EPHA6: variants seen among roughly 807,000 people sequenced by gnomAD.
EPHA6 encodes ephrin type-A receptor 6.
Under a neutral mutation model 112.0 loss-of-function variants are expected in EPHA6, and 50 were observed. That is an observed-to-expected ratio of 0.45 (90% confidence interval 0.36 to 0.56). The LOEUF is 0.56. EPHA6 is among the 20% of genes least tolerant of loss of function. The pLI, the probability that EPHA6 is intolerant of heterozygous loss-of-function variation, is 0.00. For synonymous variants in EPHA6, 529 were observed against 490.7 expected (o/e 1.08, Z -1.03); for missense variants, 1,280 against 1,417.4 (o/e 0.90, Z 1.56).
chr3:97,751,151 T>C lies in EPHA6; in HGVS notation c.*2450T>C, dbSNP rs564513484. On this transcript the variant is annotated 3_prime_UTR_variant, in exon 18 of 18. Coordinates refer to ENST00000389672, the MANE Select transcript of EPHA6 (RefSeq NM_001080448.3). ...AGAATAATATGGTCTTCCACAGGAC[T>C]CTGTCGGCACCATCTGTGTACCTTG... is the stretch of plus-strand genomic sequence containing the variant. Among the ~76,000 whole-genome samples, 1 of 152,274 alleles carries C rather than the reference T, an allele frequency of 6.6e-6. No homozygotes were observed. The highest frequency in any genetic ancestry group is 1.5e-5 in the Non-Finnish European group (1 of 68,010).
At chr3:97,020,452 G>A (rs985664163) in intron 3 of EPHA6, among the ~76,000 whole-genome samples, 1 of 152,172 alleles carries the variant, frequency 6.6e-6, no homozygotes, top group Admixed American at 6.5e-5. Flanking sequence ...ACAAAATACT[G>A]AAATGGACCT....
intron 2 of EPHA6, among the ~76,000 whole-genome samples, chr3:96,958,365 C>T (rs574776919): frequency 9.9e-5 from 15 of 151,748 alleles, no homozygotes; most frequent in African/African-American, 3.6e-4. Context: ...GATGTTAGCT[C>T]AACTTTCGTA....
At chr3:97,208,781 G>A (rs1048331133) in intron 3 of EPHA6, among the ~76,000 whole-genome samples, 1 of 151,774 alleles carries the variant, frequency 6.6e-6, no homozygotes, top group African/African-American at 2.4e-5. Context: ...TACATATGGT[G>A]GAAATACATT....
intron 2 of EPHA6, among the ~76,000 whole-genome samples, chr3:96,928,359 T>C (rs532299984): frequency 3.3e-5 from 5 of 152,348 alleles, no homozygotes; most frequent in African/African-American, 1.2e-4. Context: ...AACTTGATTT[T>C]TGCGTTAATT....
At chr3:97,494,749 A>G (rs2091934618) in intron 10 of EPHA6, among the ~76,000 whole-genome samples, 2 of 152,240 alleles carry the variant, frequency 1.3e-5, no homozygotes, top group African/African-American at 2.4e-5. Flanking sequence ...GCCTACTGGT[A>G]CTCGTTCTGC....
chr3:97,081,376 A>G lies in EPHA6; in HGVS notation c.1114+93383A>G, dbSNP rs535070135. Among the ~76,000 whole-genome samples the G allele has an allele frequency of 7.1e-4, 108 of 152,136 alleles. 2 individuals carry two copies. The South Asian group carries it at 0.022, about 31-fold the overall frequency. The stretch of plus-strand genomic sequence containing the variant: ...TCAATAGAAAATCAGGCAAAGGACA[A>G]AAACAGCAGTTCAAAGAAACATTTT... On this transcript the variant is annotated intron_variant, in intron 3 of 17. Coordinates refer to ENST00000389672, the MANE Select transcript of EPHA6 (RefSeq NM_001080448.3).
Position 97,760,282 on chromosome 3 carries a change from A to G in EPHA6, c.*11581A>G, listed in dbSNP as rs1054973355. On this transcript the variant is annotated 3_prime_UTR_variant, in exon 18 of 18. Transcript: ENST00000389672. The stretch of plus-strand genomic sequence containing the variant: ...GGTTGGTTGTTCATTGTGCCCCTCT[A>G]TCCTATAGGAAGAATGTGATCTTTT... 3.4e-5 allele frequency: 6 copies of G among 174,226 alleles called. No homozygotes were observed. The highest frequency in any genetic ancestry group is 7.4e-5 in the Non-Finnish European group (6 of 81,332). 10.8% of individuals were successfully genotyped at this position (174,226 alleles called of 1,614,324 possible).
chr3:97,469,027 CG>C (rs1309759631), intron 7 of EPHA6, among the ~76,000 whole-genome samples: 3 of 151,574 alleles, frequency 2.0e-5, no homozygotes, highest in Non-Finnish European at 3.0e-5. Flanking sequence ...TGGAGGCAAA[CG>C]TTTTTTAATC....
rs1330092129 is a variant in EPHA6 at position 97,751,384 on chromosome 3, C to G, written c.*2683C>G. ...TGCTTTGTCTCTCATCCCATGTCTC[C>G]TTCAAAATTCCTTTTAAATTATAAT... On this transcript the variant is annotated 3_prime_UTR_variant, in exon 18 of 18. Transcript: ENST00000389672. 2.0e-5 allele frequency among the ~76,000 whole-genome samples: 3 copies of G among 151,962 alleles called. No homozygotes were observed. Among genetic ancestry groups the G allele is most frequent in the African/African-American group, 7.2e-5 (3 of 41,396 alleles).
chr3:97,392,845 G>A (rs1249617383), intron 5 of EPHA6, among the ~76,000 whole-genome samples: 1 of 150,838 alleles, frequency 6.6e-6, no homozygotes, highest in Non-Finnish European at 1.5e-5. Context: ...TCTGTACTTG[G>A]AACATGTTGC....
chr3:97,525,468 C>G (rs1383380554), intron 10 of EPHA6, among the ~76,000 whole-genome samples: 4 of 152,090 alleles, frequency 2.6e-5, no homozygotes, highest in Non-Finnish European at 5.9e-5. Context: ...CATTTTGAAT[C>G]CTTTTTCCAG....
chr3:97,647,752 T>G (rs2094076457), intron 14 of EPHA6, among the ~76,000 whole-genome samples: 2 of 152,148 alleles, frequency 1.3e-5, no homozygotes, highest in Non-Finnish European at 2.9e-5. Context: ...CTTTTCTGAG[T>G]TTGACACACA....
chr3:97,584,065 A>G (rs2093466271), intron 11 of EPHA6, among the ~76,000 whole-genome samples: 1 of 152,192 alleles, frequency 6.6e-6, no homozygotes, highest in African/African-American at 2.4e-5. Flanking sequence ...GAACATTAAT[A>G]ATTATATATA....
intron 3 of EPHA6, among the ~76,000 whole-genome samples, chr3:97,121,838 C>G (rs1180810024): frequency 6.6e-6 from 1 of 152,034 alleles, no homozygotes; most frequent in African/African-American, 2.4e-5. Context: ...AAAAACAATG[C>G]TGGACAGATA....
chr3:97,441,054 T>G (rs1000631086), intron 6 of EPHA6, among the ~76,000 whole-genome samples: 1 of 152,032 alleles, frequency 6.6e-6, no homozygotes, highest in African/African-American at 2.4e-5. Flanking sequence ...AAAGAGCAGA[T>G]AATTCCCATG....
At chr3:97,579,653 C>A (rs2093419560) in intron 11 of EPHA6, among the ~76,000 whole-genome samples, 2 of 152,142 alleles carry the variant, frequency 1.3e-5, no homozygotes, top group Admixed American at 1.3e-4. Context: ...ATTATTTACA[C>A]CACTGCAGAA....
intron 3 of EPHA6, among the ~76,000 whole-genome samples, chr3:97,209,327 G>A (rs535512692): frequency 2.0e-5 from 3 of 151,590 alleles, no homozygotes; most frequent in Non-Finnish European, 1.5e-5. Context: ...ACACACACAC[G>A]TATTTGTATA....
At chr3:96,884,035 T>G (rs1235072014) in intron 2 of EPHA6, among the ~76,000 whole-genome samples, 1 of 152,038 alleles carries the variant, frequency 6.6e-6, no homozygotes, top group Non-Finnish European at 1.5e-5. Flanking sequence ...TTTTAAGTAT[T>G]TGGATTTATT....
intron 5 of EPHA6, among the ~76,000 whole-genome samples, chr3:97,377,452 A>T (rs991544618): frequency 1.3e-5 from 2 of 152,134 alleles, no homozygotes; most frequent in South Asian, 2.1e-4. Flanking sequence ...AATACAGTAA[A>T]TTGGTATCAG....
Sources: allele counts gnomAD v4.1 joint callset (sites outside exome capture counted in the v4.1 genomes callset), GRCh38; gene constraint gnomAD v4.1.1; transcripts MANE v1.5; gene names NCBI Gene and HGNC (gene_info 2026-07-23, HGNC 2026-07-21).